OXR1: variants seen among roughly 807,000 people sequenced by gnomAD.
OXR1 encodes oxidation resistance 1.
OXR1 carries 41 observed loss-of-function variants against 104.6 expected under a neutral mutation model. The observed-to-expected ratio is 0.39, with a 90% confidence interval of 0.31 to 0.51. The LOEUF is 0.51. Among genes scored for constraint, OXR1 ranks in the 20% least tolerant of loss-of-function variants. OXR1 has a pLI of 0.77. For synonymous variants in OXR1, 348 were observed against 348.4 expected (o/e 1.00, Z 0.01); for missense variants, 955 against 1,031.9 (o/e 0.93, Z 1.02).
At chr8:106,572,507 C>T (rs760755453) in intron 3 of OXR1, among the ~76,000 whole-genome samples, 5 of 152,180 alleles carry the variant, frequency 3.3e-5, no homozygotes, top group African/African-American at 4.8e-5. Context: ...TTTCTCTCTT[C>T]TTGCATTTTA....
chr8:106,669,883 C>G (rs574392171), intron 3 of OXR1, among the ~76,000 whole-genome samples: 75 of 152,178 alleles, frequency 4.9e-4, no homozygotes, highest in African/African-American at 1.8e-3. Context: ...CTAGTAATAG[C>G]AAGCTAGGTA....
intron 2 of OXR1, among the ~76,000 whole-genome samples, chr8:106,373,230 A>G (rs1816778726): frequency 6.6e-6 from 1 of 152,200 alleles, no homozygotes; most frequent in African/African-American, 2.4e-5. Context: ...CCTGGAACCA[A>G]TCCTTCATAG....
At chr8:106,671,052 A>ACAAAAACAAAAAC (rs1826912495) in intron 3 of OXR1, among the ~76,000 whole-genome samples, 1 of 149,738 alleles carries the variant, frequency 6.7e-6, no homozygotes, top group African/African-American at 2.5e-5. Context: ...CTCAAAAAAA[A>ACAAAAACAAAAAC]AAAAAAAAAA....
intron 3 of OXR1, among the ~76,000 whole-genome samples, chr8:106,560,915 ACT>A (rs963749543): frequency 2.0e-5 from 3 of 151,038 alleles, no homozygotes; most frequent in African/African-American, 7.3e-5. Context: ...TGGTTGGGGA[ACT>A]CTCTCCCCTA....
chr8:106,428,761 G>A (rs1008997917), intron 2 of OXR1, among the ~76,000 whole-genome samples: 4 of 152,034 alleles, frequency 2.6e-5, no homozygotes, highest in South Asian at 4.1e-4. Context: ...TCTAATGACT[G>A]GATAGTGTAA....
chr8:106,316,513 A>AT (rs1038737740), intron 1 of OXR1, among the ~76,000 whole-genome samples: 14 of 152,066 alleles, frequency 9.2e-5, no homozygotes, highest in African/African-American at 3.1e-4. Context: ...ACTTAGAGTG[A>AT]TTTTTTCTTT....
intron 1 of OXR1, among the ~76,000 whole-genome samples, chr8:106,315,027 A>T (rs1813869602): frequency 6.6e-6 from 1 of 151,578 alleles, no homozygotes; most frequent in Non-Finnish European, 1.5e-5. Context: ...AGTATATTTT[A>T]TCAGAGGTTT....
chr8:106,607,810 TTTTTC>T (rs1563639554), intron 3 of OXR1, among the ~76,000 whole-genome samples: 1 of 151,812 alleles, frequency 6.6e-6, no homozygotes, highest in Admixed American at 6.6e-5. Context: ...TTTCTTTTTC[TTTTTC>T]TTTTTTTTTT....
At chr8:106,359,924 A>G (rs796071960) in intron 2 of OXR1, among the ~76,000 whole-genome samples, 2 of 152,246 alleles carry the variant, frequency 1.3e-5, no homozygotes, top group African/African-American at 4.8e-5. Context: ...AAGTAATATT[A>G]TATCCTTTCA....
chr8:106,317,004 G>T (rs994744587), intron 1 of OXR1, among the ~76,000 whole-genome samples: 1 of 152,066 alleles, frequency 6.6e-6, no homozygotes. Flanking sequence ...CTGAGTAGCT[G>T]GGATTACAGG....
In OXR1 at chr8:106,422,068, A is replaced by T. The variant is rs1208332106; in HGVS notation, c.23+62432A>T. Among the ~76,000 whole-genome samples, 9 of 152,226 alleles carry T rather than the reference A, an allele frequency of 5.9e-5. No homozygotes were observed. In the South Asian group the frequency reaches 1.5e-3, roughly 25 times the overall value. ...GGGGTTCATTATCACTGGCTTGGGT[A>T]GTCTGGGCTCTAAGGAAGAAGAAGG... On this transcript the variant is annotated intron_variant, in intron 2 of 16. Transcript: ENST00000517566.
At chr8:106,312,926 G>T (rs1400413816) in intron 1 of OXR1, among the ~76,000 whole-genome samples, 1 of 152,046 alleles carries the variant, frequency 6.6e-6, no homozygotes, top group Non-Finnish European at 1.5e-5. Context: ...CACCCAAATA[G>T]GGACTTCTGT....
chr8:106,280,499 T>G (rs1812235054), intron 1 of OXR1, among the ~76,000 whole-genome samples: 1 of 152,124 alleles, frequency 6.6e-6, no homozygotes, highest in Non-Finnish European at 1.5e-5. Flanking sequence ...CTTCATCATC[T>G]CATGGCTTTC....
At chr8:106,282,231 A>C (rs1054378725) in intron 1 of OXR1, among the ~76,000 whole-genome samples, 7 of 152,314 alleles carry the variant, frequency 4.6e-5, no homozygotes, top group Non-Finnish European at 1.0e-4. Flanking sequence ...CATATTCATT[A>C]ATTATGGGTG....
At position 106,296,997 on chromosome 8, in the gene OXR1, C is replaced by T. The variant is rs533552806; in HGVS notation, c.-139+26630C>T. ...ACACCCTAGAGCTGTGATGGTAACG[C>T]TACTCAACATTATCACTGCTGTTTA... On this transcript the variant is annotated intron_variant, in intron 1 of 16. Transcript: ENST00000517566. Among the ~76,000 whole-genome samples the T allele has an allele frequency of 4.5e-3, 678 of 152,248 alleles. 3 individuals are homozygous for T. Among genetic ancestry groups the T allele is most frequent in the Non-Finnish European group, 6.1e-3 (416 of 68,020 alleles).
At chr8:106,504,850 T>G (rs1200579189) in intron 2 of OXR1, among the ~76,000 whole-genome samples, 1 of 152,204 alleles carries the variant, frequency 6.6e-6, no homozygotes, top group East Asian at 1.9e-4. Flanking sequence ...TGCCCCTTTT[T>G]TCCTGGCTTT....
intron 1 of OXR1, among the ~76,000 whole-genome samples, chr8:106,357,236 T>A (rs561328912): frequency 3.9e-5 from 6 of 152,216 alleles, no homozygotes; most frequent in African/African-American, 1.4e-4. Context: ...ATGCTTTTTT[T>A]TTTGGTAAAC....
chr8:106,334,699 A>G (rs564923499), intron 1 of OXR1, among the ~76,000 whole-genome samples: 16 of 152,288 alleles, frequency 1.1e-4, no homozygotes, highest in African/African-American at 3.9e-4. Context: ...TTGGGAATTT[A>G]TTGCATGCTT....
At chr8:106,703,472 G>A (rs1275831629) in intron 8 of OXR1, among the ~76,000 whole-genome samples, 1 of 151,690 alleles carries the variant, frequency 6.6e-6, no homozygotes, top group Non-Finnish European at 1.5e-5. Context: ...TGATTTGAGA[G>A]AGGCCACATG....
Sources: gnomAD v4.1 joint callset for allele counts (sites outside exome capture counted in the v4.1 genomes callset) on GRCh38, gnomAD v4.1.1 for gene constraint, MANE v1.5 for transcripts, NCBI Gene and HGNC (gene_info 2026-07-23, HGNC 2026-07-21) for gene names.